Variants in FCHO2 observed in about 807,000 individuals in gnomAD.
FCHO2 encodes F-BAR domain only protein 2.
A neutral mutation model predicts 114.1 loss-of-function variants in FCHO2; 43 were observed. That is an observed-to-expected ratio of 0.38 (90% CI 0.30 to 0.49). The LOEUF (loss-of-function observed/expected upper bound fraction) is 0.49. FCHO2 is among the 20% of genes least tolerant of loss of function. FCHO2 has a pLI of 0.97. For synonymous variants in FCHO2, 293 were observed against 315.2 expected, an observed-to-expected ratio of 0.93 and a Z score of 0.75; for missense variants, 807 against 950.4, an observed-to-expected ratio of 0.85 and a Z score of 1.98.
chr5:72,961,280 G>T (rs1211021253), intron 1 of FCHO2, among the ~76,000 whole-genome samples: 15 of 151,998 alleles, frequency 9.9e-5, no homozygotes, highest in Non-Finnish European at 2.9e-5. Flanking sequence ...ATTCTTTGGG[G>T]TTATGTATCC....
Position 73,077,510 on chromosome 5 carries a change from T to C in FCHO2, c.1847+17T>C. On this transcript the variant is annotated intron_variant, in intron 21 of 25. Coordinates refer to ENST00000430046, the MANE Select transcript of FCHO2 (RefSeq NM_138782.3). ...TGTGTTCAGGTTTGTGTACTTTTTG[T>C]TTTGAAGGTTGAAATTTCGTTTTAA... The C allele has an allele frequency of 6.3e-7, 1 of 1,575,742 alleles. No homozygotes were observed. The highest frequency in any genetic ancestry group is 8.6e-7 in the Non-Finnish European group (1 of 1,159,424).
At chr5:73,080,829 G>C (rs1743068182) in intron 22 of FCHO2, among the ~76,000 whole-genome samples, 1 of 152,134 alleles carries the variant, frequency 6.6e-6, no homozygotes. Context: ...ATATTCTATG[G>C]GCTGGACTTT....
intron 2 of FCHO2, among the ~76,000 whole-genome samples, chr5:72,986,790 A>G (rs771537665): frequency 6.6e-6 from 1 of 152,188 alleles, no homozygotes; most frequent in Non-Finnish European, 1.5e-5. Context: ...CTAAACTTGA[A>G]ATTTGTTTAT....
At chr5:73,085,040 G>T (rs991924892) in intron 24 of FCHO2, among the ~76,000 whole-genome samples, 1 of 152,154 alleles carries the variant, frequency 6.6e-6, no homozygotes, top group African/African-American at 2.4e-5. Context: ...TAACAAGAAA[G>T]AAATTTGTTC....
At chr5:72,990,906 C>T (rs1753776613) in intron 5 of FCHO2, 42 bp downstream of exon 5, 1 of 1,505,944 alleles carries the variant, frequency 6.6e-7, no homozygotes, top group Non-Finnish European at 8.9e-7. Context: ...TTCAAAGCAC[C>T]TTGACATACA....
At chr5:73,000,102 C>T (rs1754352882) in intron 5 of FCHO2, among the ~76,000 whole-genome samples, 1 of 152,126 alleles carries the variant, frequency 6.6e-6, no homozygotes. Context: ...AACTCCCAGA[C>T]TTAAGCAATC....
intron 24 of FCHO2, among the ~76,000 whole-genome samples, chr5:73,085,968 C>T (rs1743296155): frequency 6.6e-6 from 1 of 150,856 alleles, no homozygotes; most frequent in Admixed American, 6.6e-5. Context: ...ACTAAAAATA[C>T]AGAATTAGCC....
At chr5:73,009,372 TAAAC>T (rs947240414) in intron 6 of FCHO2, among the ~76,000 whole-genome samples, 18 of 152,250 alleles carry the variant, frequency 1.2e-4, no homozygotes, top group African/African-American at 4.3e-4. Context: ...AAAATTGGAA[TAAAC>T]AGAGTTTGCT....
chr5:72,996,490 T>C (rs1408996011), intron 5 of FCHO2, among the ~76,000 whole-genome samples: 3 of 152,136 alleles, frequency 2.0e-5, no homozygotes, highest in African/African-American at 7.2e-5. Context: ...CCTTTAATTC[T>C]CTGTAAAAAC....
At chr5:72,997,692 C>G (rs193268501) in intron 5 of FCHO2, 1 of 1,547,504 alleles carries the variant, frequency 6.5e-7, no homozygotes, top group African/African-American at 1.4e-5. Flanking sequence ...AAAGGGAGGG[C>G]GAGCCCTTGG....
At chr5:72,975,632 G>A (rs779746737) in intron 2 of FCHO2, among the ~76,000 whole-genome samples, 9 of 152,156 alleles carry the variant, frequency 5.9e-5, no homozygotes, top group Non-Finnish European at 1.3e-4. Context: ...AGCCTCTTGA[G>A]TAGCTGGGAC....
chr5:73,055,010 G>A (rs1016864715), intron 15 of FCHO2: 2 of 293,346 alleles, frequency 6.8e-6, no homozygotes, highest in Non-Finnish European at 1.4e-5. Context: ...AAAATAACAA[G>A]GGTTGTGGGA....
Position 73,090,454 on chromosome 5 carries a change from G to A in FCHO2, c.*2364G>A, listed in dbSNP as rs145936924. 44 of 152,496 alleles carry A rather than the reference G, an allele frequency of 2.9e-4. No individual in the cohort carries two copies. The highest frequency in any genetic ancestry group is 9.9e-4 in the African/African-American group (41 of 41,494). 9.4% of individuals were successfully genotyped at this position (152,496 alleles called of 1,614,324 possible). A position where few individuals can be genotyped will look rare whatever the true frequency, so the allele number is the denominator to read the frequency against. On this transcript the variant is annotated 3_prime_UTR_variant, in exon 26 of 26. Transcript: ENST00000430046. ...CTTCCAAGATTTTGTAAATATTTTT[G>A]ATTTTTTTCATTAAATGTAAATTTT...
Position 73,090,207 on chromosome 5 carries a change from T to C in FCHO2, c.*2117T>C, listed in dbSNP as rs919716670. The C allele has an allele frequency of 1.3e-5, 2 of 152,578 alleles. No individual in the cohort carries two copies. Among genetic ancestry groups the C allele is most frequent in the Non-Finnish European group, 2.9e-5 (2 of 68,000 alleles). The allele number at this position is 152,578 out of a possible 1,614,324, so 9.5% of individuals were successfully genotyped here. A position where few individuals can be genotyped will look rare whatever the true frequency, so the allele number is the denominator to read the frequency against. On this transcript the variant is annotated 3_prime_UTR_variant, in exon 26 of 26. Transcript: ENST00000430046. ...AATTTTGAAGCCATATGAGTTTATA[T>C]TGATTTTTTTTTTCCATTTAAAAAT...
intron 1 of FCHO2, among the ~76,000 whole-genome samples, chr5:72,956,897 T>C (rs74876091): frequency 3.7e-5 from 5 of 135,662 alleles, no homozygotes; most frequent in African/African-American, 1.3e-4. Context: ...GCAGTTATTG[T>C]TTTTTTTTTT....
chr5:73,015,137 G>T (rs1013508988), intron 6 of FCHO2, among the ~76,000 whole-genome samples: 1 of 148,236 alleles, frequency 6.7e-6, no homozygotes, highest in African/African-American at 2.5e-5. Context: ...CCTAAGAAAT[G>T]ACATAACAAA....
intron 2 of FCHO2, among the ~76,000 whole-genome samples, chr5:72,979,939 A>C (rs902331031): frequency 6.6e-6 from 1 of 151,436 alleles, no homozygotes; most frequent in Non-Finnish European, 1.5e-5. Flanking sequence ...TCATGTCTCT[A>C]TCTCCTTCAG....
chr5:73,019,778 C>T (rs1427462487), intron 8 of FCHO2, among the ~76,000 whole-genome samples: 1 of 152,174 alleles, frequency 6.6e-6, no homozygotes, highest in Non-Finnish European at 1.5e-5. Flanking sequence ...AGGCATATTG[C>T]CAGAGCAGTC....
chr5:73,010,440 A>C (rs1037797416), intron 6 of FCHO2, among the ~76,000 whole-genome samples: 3 of 152,188 alleles, frequency 2.0e-5, no homozygotes, highest in African/African-American at 7.2e-5. Context: ...CAGTACCCTC[A>C]GATTAAAGAT....
Sources: gnomAD v4.1 joint callset for allele counts (sites outside exome capture counted in the v4.1 genomes callset) on GRCh38, gnomAD v4.1.1 for gene constraint, MANE v1.5 for transcripts, NCBI Gene and HGNC (gene_info 2026-07-23, HGNC 2026-07-21) for gene names.